Variants in LRRC4C observed in about 807,000 individuals in gnomAD.
The protein encoded by LRRC4C is leucine-rich repeat-containing protein 4C.
In LRRC4C, 5 loss-of-function variants were observed where a neutral mutation model predicts 33.6. The observed-to-expected ratio is 0.15, with a 90% CI of 0.08 to 0.31. The LOEUF (loss-of-function observed/expected upper bound fraction) is 0.31, where lower values mean the gene tolerates loss of function less well. LRRC4C is among the 10% of genes least tolerant of loss of function. LRRC4C has a pLI of 1.00. For missense variants in LRRC4C, 560 were observed against 796.7 expected (o/e 0.70, Z 3.58); for synonymous variants, 329 against 302.0 (o/e 1.09, Z -0.93).
chr11:40,269,909 T>C (rs1387288593), intron 4 of LRRC4C, among the ~76,000 whole-genome samples: 1 of 152,136 alleles, frequency 6.6e-6, no homozygotes, highest in East Asian at 1.9e-4. Context: ...GATTCCTTTT[T>C]AGAATCTATT....
At chr11:40,996,548 G>A (rs1424849038) in intron 1 of LRRC4C, among the ~76,000 whole-genome samples, 1 of 152,086 alleles carries the variant, frequency 6.6e-6, no homozygotes, top group East Asian at 1.9e-4. Flanking sequence ...TGGATAGATA[G>A]GACCTGTAGT....
chr11:40,672,471 T>A (rs190520733), intron 2 of LRRC4C, among the ~76,000 whole-genome samples: 76 of 152,332 alleles, frequency 5.0e-4, no homozygotes, highest in Non-Finnish European at 7.3e-5. Context: ...AGTATTATAC[T>A]TTACATATTT....
chr11:41,197,734 A>G (rs1263879239), intron 1 of LRRC4C, among the ~76,000 whole-genome samples: 1 of 151,900 alleles, frequency 6.6e-6, no homozygotes, highest in Non-Finnish European at 1.5e-5. Flanking sequence ...TTCTCTCAAG[A>G]TTTATTCTCC....
intron 3 of LRRC4C, among the ~76,000 whole-genome samples, chr11:40,588,930 G>A (rs1958898257): frequency 6.6e-6 from 1 of 151,952 alleles, no homozygotes; most frequent in South Asian, 2.1e-4. Flanking sequence ...GTGTGGTGTG[G>A]TGCTGAAAAA....
At chr11:40,377,406 A>G (rs970141220) in intron 3 of LRRC4C, among the ~76,000 whole-genome samples, 3 of 152,160 alleles carry the variant, frequency 2.0e-5, no homozygotes, top group African/African-American at 7.2e-5. Flanking sequence ...GTCATCAACA[A>G]TATTTTCCCC....
intron 3 of LRRC4C, among the ~76,000 whole-genome samples, chr11:40,470,896 A>T (rs746987912): frequency 2.6e-5 from 4 of 152,204 alleles, no homozygotes; most frequent in Non-Finnish European, 5.9e-5. Flanking sequence ...GAAAAGACCA[A>T]AGCTACATTT....
chr11:40,550,625 T>G (rs1410457392), intron 3 of LRRC4C, among the ~76,000 whole-genome samples: 1 of 152,154 alleles, frequency 6.6e-6, no homozygotes, highest in Non-Finnish European at 1.5e-5. Context: ...CCTTTTGAAT[T>G]CTTCAATCCA....
chr11:41,155,515 C>A (rs1440734367), intron 1 of LRRC4C, among the ~76,000 whole-genome samples: 21 of 152,106 alleles, frequency 1.4e-4, no homozygotes, highest in Admixed American at 1.3e-3. Flanking sequence ...TTCCTTTACC[C>A]TATGTCCCTT....
chr11:41,159,614 C>T (rs1164872726), intron 1 of LRRC4C, among the ~76,000 whole-genome samples: 7 of 152,062 alleles, frequency 4.6e-5, no homozygotes, highest in African/African-American at 1.7e-4. Flanking sequence ...TTATTGTGAT[C>T]ATTCATATTC....
intron 1 of LRRC4C, among the ~76,000 whole-genome samples, chr11:40,938,161 C>T (rs901065070): frequency 6.6e-6 from 1 of 152,078 alleles, no homozygotes; most frequent in Non-Finnish European, 1.5e-5. Flanking sequence ...CAGAAAGGGG[C>T]AAAGATGAAT....
Position 40,231,110 on chromosome 11 carries a change from T to C in LRRC4C, c.-96+10409A>G, listed in dbSNP as rs151207675. Among the ~76,000 whole-genome samples the C allele has an allele frequency of 1.5e-3, 235 of 152,276 alleles. 2 individuals carry two copies. The highest frequency in any genetic ancestry group is 5.5e-3 in the African/African-American group (230 of 41,554). On this transcript the variant is annotated intron_variant, in intron 5 of 6. Transcript: ENST00000528697. ...GGCTGGGCGTAGTGGCACATGCTTG[T>C]AGTCCCAGCAACTCTGGAGGCTGAG... is the stretch of plus-strand genomic sequence containing the variant.
At chr11:41,368,426 T>A (rs1366123563) in intron 1 of LRRC4C, among the ~76,000 whole-genome samples, 1 of 152,166 alleles carries the variant, frequency 6.6e-6, no homozygotes, top group Non-Finnish European at 1.5e-5. Flanking sequence ...ACATCCAACA[T>A]CTCTTAACAA....
At chr11:40,786,663 T>C (rs1453709531) in intron 2 of LRRC4C, among the ~76,000 whole-genome samples, 1 of 152,178 alleles carries the variant, frequency 6.6e-6, no homozygotes, top group Non-Finnish European at 1.5e-5. Context: ...AAAAATTTCT[T>C]ACTTGGTATC....
chr11:40,626,005 A>C (rs541090229), intron 3 of LRRC4C, among the ~76,000 whole-genome samples: 6 of 152,208 alleles, frequency 3.9e-5, no homozygotes, highest in East Asian at 1.9e-4. Context: ...TTTCCCAATG[A>C]CTTTATTTTT....
At chr11:41,231,783 G>A (rs1204879461) in intron 1 of LRRC4C, among the ~76,000 whole-genome samples, 4 of 151,504 alleles carry the variant, frequency 2.6e-5, no homozygotes, top group Non-Finnish European at 2.9e-5. Context: ...GTGTGTGTGT[G>A]TATATATATG....
At chr11:40,590,199 AC>A (rs1958973705) in intron 3 of LRRC4C, among the ~76,000 whole-genome samples, 1 of 150,586 alleles carries the variant, frequency 6.6e-6, no homozygotes, top group Non-Finnish European at 1.5e-5. Context: ...TTTTCTCTAA[AC>A]TTCCCTTCTC....
At chr11:40,216,566 T>C (rs1445214613) in intron 5 of LRRC4C, among the ~76,000 whole-genome samples, 1 of 152,052 alleles carries the variant, frequency 6.6e-6, no homozygotes, top group Non-Finnish European at 1.5e-5. Flanking sequence ...TCTTCTAAAA[T>C]GAGATTAAGA....
Position 40,243,232 on chromosome 11 carries a change from T to A in LRRC4C, c.-175-1634A>T, listed in dbSNP as rs569585113. On this transcript the variant is annotated intron_variant, in intron 4 of 6. Transcript: ENST00000528697. ...TTTAAAAAGGTAAATTTCTACACTATAATTAATGTATACCAACAATTTTCA... is the reference window on the plus strand; with the variant it reads ...TTTAAAAAGGTAAATTTCTACACTAAAATTAATGTATACCAACAATTTTCA... 1.2e-4 allele frequency among the ~76,000 whole-genome samples: 18 copies of A among 152,326 alleles called. No individual in the cohort carries two copies. In the South Asian group the frequency reaches 3.7e-3, roughly 32 times the overall value.
intron 2 of LRRC4C, among the ~76,000 whole-genome samples, chr11:40,777,712 G>A (rs1315839312): frequency 6.6e-6 from 1 of 150,974 alleles, no homozygotes; most frequent in Non-Finnish European, 1.5e-5. Flanking sequence ...TTTTGAGATG[G>A]AGTCTTTCTC....
Sources: gnomAD v4.1 joint callset for allele counts (sites outside exome capture counted in the v4.1 genomes callset) on GRCh38, gnomAD v4.1.1 for gene constraint, MANE v1.5 for transcripts, NCBI Gene and HGNC (gene_info 2026-07-23, HGNC 2026-07-21) for gene names.